FHIT: variants seen among roughly 807,000 people sequenced by gnomAD.
FHIT encodes fragile histidine triad diadenosine triphosphatase.
A neutral mutation model predicts 17.9 loss-of-function variants in FHIT; 19 were observed. That is an observed-to-expected ratio of 1.06 (90% CI 0.74 to 1.56). FHIT has a LOEUF of 1.56. Ranked by LOEUF, FHIT falls within the 40% of genes most tolerant of loss-of-function variation. FHIT has a pLI of 0.00. For synonymous variants in FHIT, 81 were observed against 69.7 expected (o/e 1.16, Z -0.81); for missense variants, 248 against 189.2 (o/e 1.31, Z -1.82).
chr3:60,086,944 T>A (rs941779115), intron 5 of FHIT, among the ~76,000 whole-genome samples: 2 of 152,344 alleles, frequency 1.3e-5, no homozygotes, highest in East Asian at 3.9e-4. Flanking sequence ...AGAGATTCTG[T>A]GGTGGCTGCA....
At position 60,077,172 on chromosome 3, in the gene FHIT, A is replaced by G. The variant is rs116192247; in HGVS notation, c.104-63020T>C. ...TGAAGTATATTTCAGGCAGAAAGAG[A>G]GCAGCCTAAGGAGGACTTATTACAG... On this transcript the variant is annotated intron_variant, in intron 5 of 9. Coordinates refer to ENST00000492590, the MANE Select transcript of FHIT (RefSeq NM_002012.4). 9.7e-3 allele frequency among the ~76,000 whole-genome samples: 1,469 copies of G among 152,186 alleles called. 17 individuals carry two copies. Among genetic ancestry groups the G allele is most frequent in the African/African-American group, 0.034 (1,397 of 41,544 alleles).
chr3:59,768,302 C>G (rs535651865), intron 8 of FHIT, among the ~76,000 whole-genome samples: 2 of 152,334 alleles, frequency 1.3e-5, no homozygotes, highest in South Asian at 2.1e-4. Context: ...ACATGGTTTT[C>G]TTGGCACAGT....
chr3:60,560,684 C>A (rs1167916843), intron 4 of FHIT, among the ~76,000 whole-genome samples: 2 of 151,976 alleles, frequency 1.3e-5, no homozygotes, highest in Admixed American at 1.3e-4. Flanking sequence ...TTCACAACCA[C>A]AAGCAGGTAC....
chr3:60,079,925 A>C (rs900470815), intron 5 of FHIT, among the ~76,000 whole-genome samples: 2 of 152,150 alleles, frequency 1.3e-5, no homozygotes, highest in African/African-American at 4.8e-5. Context: ...TACAGTAAAG[A>C]TGTGCTAATG....
At chr3:59,756,165 G>A (rs1304281894) in intron 8 of FHIT, among the ~76,000 whole-genome samples, 5 of 152,158 alleles carry the variant, frequency 3.3e-5, no homozygotes, top group Non-Finnish European at 5.9e-5. Flanking sequence ...AGGAGTAAAA[G>A]TATTTTTCAT....
intron 4 of FHIT, among the ~76,000 whole-genome samples, chr3:60,537,797 G>C (rs1207032916): frequency 1.3e-5 from 2 of 152,138 alleles, no homozygotes; most frequent in Admixed American, 1.3e-4. Flanking sequence ...CTTTGTGAAT[G>C]ACTAAGACAC....
intron 4 of FHIT, among the ~76,000 whole-genome samples, chr3:60,633,526 T>C (rs1456521897): frequency 6.6e-6 from 1 of 152,072 alleles, no homozygotes; most frequent in African/African-American, 2.4e-5. Context: ...ATCAAAACAG[T>C]TGTACAAAAG....
chr3:60,115,012 T>G (rs1704891029), intron 5 of FHIT, among the ~76,000 whole-genome samples: 2 of 152,148 alleles, frequency 1.3e-5, no homozygotes, highest in Admixed American at 1.3e-4. Context: ...GTTACATTGT[T>G]TTCTCATCTC....
At chr3:60,675,640 A>C (rs1333424276) in intron 4 of FHIT, among the ~76,000 whole-genome samples, 7 of 152,238 alleles carry the variant, frequency 4.6e-5, no homozygotes, top group Non-Finnish European at 1.0e-4. Flanking sequence ...ATACCTAAGC[A>C]GTAGTCTGCT....
intron 5 of FHIT, among the ~76,000 whole-genome samples, chr3:60,499,694 A>T (rs1364758236): frequency 2.6e-5 from 4 of 151,984 alleles, no homozygotes; most frequent in African/African-American, 9.7e-5. Context: ...GTGTTTTTTT[A>T]AACATTATTG....
At chr3:59,797,428 C>T (rs890477275) in intron 8 of FHIT, among the ~76,000 whole-genome samples, 1 of 152,176 alleles carries the variant, frequency 6.6e-6, no homozygotes, top group East Asian at 1.9e-4. Context: ...TTCATGTGAT[C>T]CGACCACCTT....
chr3:60,020,713 T>C (rs1158549122), intron 5 of FHIT, among the ~76,000 whole-genome samples: 1 of 152,190 alleles, frequency 6.6e-6, no homozygotes, highest in African/African-American at 2.4e-5. Context: ...GCCTTGTAAA[T>C]GTTTAAAATA....
Position 60,504,296 on chromosome 3 carries a change from T to C in FHIT, c.103+32564A>G, listed in dbSNP as rs992562009. On this transcript the variant is annotated intron_variant, in intron 5 of 9. Transcript: ENST00000492590. ...TAAAAATACAAAAATTAGCTGGGCATGGTGGCACGCGCCTGTAATCCCAGC... is the reference window on the plus strand; with the variant it reads ...TAAAAATACAAAAATTAGCTGGGCACGGTGGCACGCGCCTGTAATCCCAGC... Among the ~76,000 whole-genome samples the C allele has an allele frequency of 3.3e-5, 5 of 151,984 alleles. 1 individual carries two copies. The highest frequency in any genetic ancestry group is 5.9e-5 in the Non-Finnish European group (4 of 67,996).
intron 2 of FHIT, among the ~76,000 whole-genome samples, chr3:61,054,640 C>G (rs1053765640): frequency 6.6e-6 from 1 of 152,104 alleles, no homozygotes; most frequent in Non-Finnish European, 1.5e-5. Flanking sequence ...TCTGTATAAA[C>G]CCTGCAATTT....
At chr3:60,042,810 C>G (rs146310096) in intron 5 of FHIT, among the ~76,000 whole-genome samples, 63 of 151,982 alleles carry the variant, frequency 4.1e-4, no homozygotes, top group Non-Finnish European at 6.2e-4. Context: ...AATTAAGTAA[C>G]CAAACATAAA....
At chr3:60,832,195 AC>A (rs1553742733) in intron 3 of FHIT, among the ~76,000 whole-genome samples, 1 of 152,032 alleles carries the variant, frequency 6.6e-6, no homozygotes, top group Non-Finnish European at 1.5e-5. Flanking sequence ...ATTATTTTGT[AC>A]TTTTTATCTA....
chr3:59,752,393 TG>T, intron 8 of FHIT, 72 bp from the exon 9 acceptor site: 4 of 1,187,750 alleles, frequency 3.4e-6, no homozygotes, highest in Non-Finnish European at 4.8e-6. Flanking sequence ...TTCGGGGGGC[TG>T]GGGGAGACTG....
chr3:60,135,191 G>T (rs538986016), intron 5 of FHIT, among the ~76,000 whole-genome samples: 5 of 152,130 alleles, frequency 3.3e-5, no homozygotes, highest in Non-Finnish European at 7.4e-5. Context: ...GGCACCCACT[G>T]ATGAAGCTTT....
chr3:60,086,933 T>C (rs1334586940), intron 5 of FHIT, among the ~76,000 whole-genome samples: 2 of 152,238 alleles, frequency 1.3e-5, no homozygotes, highest in Admixed American at 6.5e-5. Flanking sequence ...GGAACCCTGA[T>C]AGAGATTCTG....
Sources: allele counts gnomAD v4.1 joint callset (sites outside exome capture counted in the v4.1 genomes callset), GRCh38; gene constraint gnomAD v4.1.1; transcripts MANE v1.5; gene names NCBI Gene and HGNC (gene_info 2026-07-23, HGNC 2026-07-21).